The following HLX variants were observed in gnomAD, a reference collection of about 807,000 sequenced individuals.
HLX encodes H2.0-like homeobox protein.
Under a neutral mutation model 27.7 loss-of-function variants are expected in HLX, and 6 were observed. The observed-to-expected ratio is 0.22, with a 90% CI of 0.12 to 0.43. HLX has a LOEUF of 0.43. Ranked by LOEUF, HLX falls within the 20% of genes least tolerant of loss-of-function variation. The pLI is 1.00. For missense variants in HLX, 666 were observed against 655.2 expected, an observed-to-expected ratio of 1.02 and a Z score of -0.18; for synonymous variants, 328 against 293.8, an observed-to-expected ratio of 1.12 and a Z score of -1.19.
chr1:220,884,714 G>T lies in HLX; in HGVS notation c.*10G>T, dbSNP rs371049169. ...GCTTGGCTGCTTATAGACTGTACTA[G>T]GGCGGAGGGGATCCGGGCCTTGCGT... On this transcript the variant is annotated 3_prime_UTR_variant, in exon 4 of 4. Transcript: ENST00000366903. This position sits in a 1 kb window ranked among gnomAD's most constrained non-coding sequence, Gnocchi z 4.9. The T allele has an allele frequency of 6.2e-7, 1 of 1,606,794 alleles. No individual in the cohort carries two copies. Among genetic ancestry groups the T allele is most frequent in the East Asian group, 2.2e-5 (1 of 44,864 alleles).
Position 220,884,624 on chromosome 1 carries a change from C to A in HLX, c.1387C>A (p.Leu463Ile). Residue 463 changes from leucine (L) to isoleucine (I), a missense_variant, in exon 4 of 4, where the codon CTT (leucine) becomes ATT (isoleucine). Physicochemically the swap from Leu to Ile is conservative, Grantham distance 5. Coordinates refer to ENST00000366903, the MANE Select transcript of HLX (RefSeq NM_021958.4). The surrounding 1 kb of genome is among the most constrained non-coding windows in gnomAD (Gnocchi z 4.9). ...CCTTGGCGGCGGCGGCGCCTCGGAG[C>A]TTCTCCCTGCAACACAGCCCACAGC... ...SSLGGGGASE[L>I]LPATQPTASS... is the part of the protein sequence containing the mutation. 6.2e-7 allele frequency: 1 copy of A among 1,609,830 alleles called. No individual in the cohort carries two copies. The highest frequency in any genetic ancestry group is 8.5e-7 in the Non-Finnish European group (1 of 1,178,658).
rs1239331529 is a variant in HLX, at chr1:220,879,839, C to A, written c.-19C>A. On this transcript the variant is annotated 5_prime_UTR_variant, in exon 1 of 4. Transcript: ENST00000366903. ...CAGTCCGGCTGGACTGCGGCAGCCG[C>A]GCGGCTCACCCCGGCAGGATGTTCG... 3 of 1,556,284 alleles carry A rather than the reference C, an allele frequency of 1.9e-6. No homozygotes were observed. Among genetic ancestry groups the A allele is most frequent in the Non-Finnish European group, 2.6e-6 (3 of 1,158,828 alleles).
chr1:220,881,123 G>A, intron 1 of HLX, 71 bp from the exon 2 acceptor site: 1 of 1,348,868 alleles, frequency 7.4e-7, no homozygotes, highest in Admixed American at 1.8e-5. Flanking sequence ...AAGGGGAAGG[G>A]GAGGAACAAA....
Position 220,884,411 on chromosome 1 carries a change from G to C in HLX, c.1174G>C (p.Glu392Gln). ...ESLDMAPSDT[E>Q]RTEGSERSLH... ...CCTGGACATGGCCCCCAGCGACACG[G>C]AGCGGACTGAGGGGAGTGAGCGTTC... The change falls in exon 4 of 4, where the codon GAG becomes CAG. Residue 392 changes from glutamate (E) to glutamine (Q), a missense_variant. Glu to Gln is a conservative substitution (Grantham distance 29). Transcript: ENST00000366903. The surrounding 1 kb of genome is among the most constrained non-coding windows in gnomAD (Gnocchi z 4.9). 6.2e-7 allele frequency: 1 copy of C among 1,614,176 alleles called. No homozygotes were observed. Among genetic ancestry groups the C allele is most frequent in the South Asian group, 1.1e-5 (1 of 91,082 alleles).
intron 3 of HLX, chr1:220,883,282 A>C (rs1674497241): frequency 2.1e-5 from 2 of 95,160 alleles, no homozygotes; most frequent in Non-Finnish European, 4.3e-5. Flanking sequence ...TCTTCTCCCC[A>C]GTACACACAC....
In HLX at chr1:220,879,922, G is replaced by A; in HGVS notation, c.65G>A (p.Cys22Tyr). ...TTCAGCCTCTGGTCGGCCGCTTACT[G>A]CTCCTCGGCCGGCCCAGGCGGCTGC... ...SNFSLWSAAY[C>Y]SSAGPGGCSF... Residue 22 changes from cysteine to tyrosine, a missense_variant, in exon 1 of 4, where the codon TGC (cysteine) becomes TAC (tyrosine). Physicochemically the swap from Cys to Tyr is radical, Grantham distance 194. Coordinates refer to ENST00000366903, the MANE Select transcript of HLX (RefSeq NM_021958.4). 2 of 1,597,010 alleles carry A rather than the reference G, an allele frequency of 1.3e-6. No homozygotes were observed. Among genetic ancestry groups the A allele is most frequent in the African/African-American group, 1.3e-5 (1 of 74,822 alleles).
At position 220,884,387 on chromosome 1, in the gene HLX, C is replaced by G; in HGVS notation, c.1150C>G (p.Leu384Val). The change falls in exon 4 of 4, where the codon CTG becomes GTG. Residue 384 changes from leucine to valine, a missense_variant. Transcript: ENST00000366903. This position sits in a 1 kb window ranked among gnomAD's most constrained non-coding sequence, Gnocchi z 4.9. ...AESESSDSESLDMAPSDTERT... is the reference protein window; with the variant it reads ...AESESSDSESVDMAPSDTERT... The stretch of plus-strand genomic sequence containing the variant: ...GAGCGAGAGCAGCGACTCCGAGTCC[C>G]TGGACATGGCCCCCAGCGACACGGA... The G allele has an allele frequency of 1.9e-6, 3 of 1,614,144 alleles. No individual in the cohort carries two copies. The highest frequency in any genetic ancestry group is 2.5e-6 in the Non-Finnish European group (3 of 1,180,016).
chr1:220,880,046 C>T lies in HLX; in HGVS notation c.189C>T (p.Gly63=), dbSNP rs1486199139. 2 of 1,591,068 alleles carry T rather than the reference C, an allele frequency of 1.3e-6. No individual in the cohort carries two copies. The highest frequency in any genetic ancestry group is 2.2e-5 in the East Asian group (1 of 44,486). The change falls in exon 1 of 4, where the codon GGC becomes GGT. Residue 63 remains glycine, a synonymous_variant. Transcript: ENST00000366903. ...GGGATCTGGGGGCGGCCCCGGAGGGCCTGGCAGGGGCCTCGGCCGCCGCCC... is the reference window on the plus strand; with the variant it reads ...GGGATCTGGGGGCGGCCCCGGAGGGTCTGGCAGGGGCCTCGGCCGCCGCCC... ...GVGDLGAAPE[G]LAGASAAALT...
intron 3 of HLX, 197 bp downstream of exon 3, chr1:220,882,545 C>A: frequency 1.7e-6 from 1 of 592,418 alleles, no homozygotes; most frequent in Non-Finnish European, 3.0e-6. Flanking sequence ...GGGAGAAGGA[C>A]CGAGAGAAGA....
In HLX at chr1:220,884,689, G is replaced by T. The variant is rs1360450524; in HGVS notation, c.1452G>T (p.Ala484=). The change falls in exon 4 of 4, where the codon GCG becomes GCT. Residue 484 remains alanine, a synonymous_variant. Coordinates refer to ENST00000366903, the MANE Select transcript of HLX (RefSeq NM_021958.4). This position sits in a 1 kb window ranked among gnomAD's most constrained non-coding sequence, Gnocchi z 4.9. The stretch of plus-strand genomic sequence containing the variant: ...AAAGCCCCGAGCCAGCCCAAGGCGC[G>T]CTTGGCTGCTTATAGACTGTACTAG... ...APKSPEPAQG[A]LGCL 4 of 1,609,774 alleles carry T rather than the reference G, an allele frequency of 2.5e-6. No individual in the cohort carries two copies. Among genetic ancestry groups the T allele is most frequent in the South Asian group, 2.2e-5 (2 of 90,884 alleles).
intron 1 of HLX, 122 bp downstream of exon 1, chr1:220,880,571 A>G (rs1674403721): frequency 9.4e-7 from 1 of 1,060,968 alleles, no homozygotes; most frequent in African/African-American, 1.6e-5. Context: ...ACGGGAGAGA[A>G]GAAAACGAAT....
Position 220,879,977 on chromosome 1 carries a change from A to G in HLX, c.120A>G (p.Lys40=). The change falls in exon 1 of 4, where the codon AAA becomes AAG. Residue 40 remains lysine (K), a synonymous_variant. Coordinates refer to ENST00000366903, the MANE Select transcript of HLX (RefSeq NM_021958.4). ...TCCCCTTGGACCCCGCCGCCGTCAA[A>G]AAGCCCTCCTTCTGCATCGCAGACA... ...CSFPLDPAAV[K]KPSFCIADIL... is the part of the protein sequence containing the mutation. 1 of 1,598,940 alleles carries G rather than the reference A, an allele frequency of 6.3e-7. No individual in the cohort carries two copies. The highest frequency in any genetic ancestry group is 1.7e-5 in the Admixed American group (1 of 59,858).
Position 220,879,758 on chromosome 1 carries a change from C to G in HLX, c.-100C>G. 6.9e-7 allele frequency: 1 copy of G among 1,446,970 alleles called. No homozygotes were observed. Among genetic ancestry groups the G allele is most frequent in the Non-Finnish European group, 9.0e-7 (1 of 1,107,388 alleles). The allele number at this position is 1,446,970 out of a possible 1,614,324, so 89.6% of individuals were successfully genotyped here. A position where few individuals can be genotyped will look rare whatever the true frequency, so the allele number is the denominator to read the frequency against. On this transcript the variant is annotated 5_prime_UTR_variant, in exon 1 of 4. Transcript: ENST00000366903. Reference sequence around the variant, plus strand: ...CGGAGAAGCGAAAGCGGATCGTCCTCGGCTGCCGCCGCCTTCTCCGGGACT... The same window carrying G: ...CGGAGAAGCGAAAGCGGATCGTCCTGGGCTGCCGCCGCCTTCTCCGGGACT...
chr1:220,882,479 G>A lies in HLX; in HGVS notation c.957+131G>A, dbSNP rs116339733. 3.1e-5 allele frequency: 25 copies of A among 793,676 alleles called. No individual in the cohort carries two copies. In the African/African-American group the frequency reaches 3.4e-4, roughly 11 times the overall value. The allele number at this position is 793,676 out of a possible 1,614,324, so 49.2% of individuals were successfully genotyped here. A position where few individuals can be genotyped will look rare whatever the true frequency, so the allele number is the denominator to read the frequency against. On this transcript the variant is annotated intron_variant, in intron 3 of 3. Transcript: ENST00000366903. ...AAACGCAAGATCTTGACTTTCAAGAGGCTTTGTGGACTACGCAACTTGAGG... is the reference window on the plus strand; with the variant it reads ...AAACGCAAGATCTTGACTTTCAAGAAGCTTTGTGGACTACGCAACTTGAGG...
chr1:220,880,326 G>A lies in HLX; in HGVS notation c.469G>A (p.Val157Ile). Residue 157 changes from valine to isoleucine, a missense_variant, in exon 1 of 4, where the codon GTT becomes ATT. Val to Ile is a conservative substitution (Grantham distance 29). Coordinates refer to ENST00000366903, the MANE Select transcript of HLX (RefSeq NM_021958.4). ...LQPPASGTRV[V>I]PNPHHSGSAP... is the part of the protein sequence containing the mutation. ...GCCCCCGGCCTCGGGGACGCGAGTG[G>A]TTCCGAACCCCCACCACAGTGGCTC... is the stretch of plus-strand genomic sequence containing the variant. The A allele has an allele frequency of 6.2e-7, 1 of 1,613,914 alleles. No individual in the cohort carries two copies. The highest frequency in any genetic ancestry group is 1.6e-4 in the Middle Eastern group (1 of 6,062).
rs55955117 is a variant in HLX, at chr1:220,879,589, G to T, written c.-269G>T. 3,767 of 502,438 alleles carry T rather than the reference G, an allele frequency of 7.5e-3. 123 individuals carry two copies. Among genetic ancestry groups the T allele is most frequent in the African/African-American group, 0.069 (3,375 of 49,072 alleles). The allele number at this position is 502,438 out of a possible 1,614,324, so 31.1% of individuals were successfully genotyped here. A position where few individuals can be genotyped will look rare whatever the true frequency, so the allele number is the denominator to read the frequency against. On this transcript the variant is annotated 5_prime_UTR_variant, in exon 1 of 4. Coordinates refer to ENST00000366903, the MANE Select transcript of HLX (RefSeq NM_021958.4). ...CCGCCCTGCGGCCCCAGCGCCCCTCGCTCTCATCCAGCCCGCGAGGAGTGC... is the reference window on the plus strand; with the variant it reads ...CCGCCCTGCGGCCCCAGCGCCCCTCTCTCTCATCCAGCCCGCGAGGAGTGC...
Position 220,879,598 on chromosome 1 carries a change from C to T in HLX, c.-260C>T. On this transcript the variant is annotated 5_prime_UTR_variant, in exon 1 of 4. Transcript: ENST00000366903. ...GGCCCCAGCGCCCCTCGCTCTCATC[C>T]AGCCCGCGAGGAGTGCGGGCGCCGC... The T allele has an allele frequency of 1.9e-6, 1 of 539,364 alleles. No individual in the cohort carries two copies. Among genetic ancestry groups the T allele is most frequent in the East Asian group, 3.5e-5 (1 of 28,490 alleles). The allele number at this position is 539,364 out of a possible 1,614,324, so 33.4% of individuals were successfully genotyped here.
rs752081011 is a variant in HLX, at chr1:220,884,747, C to G, written c.*43C>G. 1.3e-6 allele frequency: 2 copies of G among 1,594,732 alleles called. No individual in the cohort carries two copies. Among genetic ancestry groups the G allele is most frequent in the Admixed American group, 1.7e-5 (1 of 59,124 alleles). ...GGGATCCGGGCCTTGCGTGCAGCCT[C>G]CCAACCATGGGCTGGGTTTTGTGCT... On this transcript the variant is annotated 3_prime_UTR_variant, in exon 4 of 4. Coordinates refer to ENST00000366903, the MANE Select transcript of HLX (RefSeq NM_021958.4). This position sits in a 1 kb window ranked among gnomAD's most constrained non-coding sequence, Gnocchi z 4.9.
In HLX at chr1:220,880,265, A is replaced by T. The variant is rs1244588503; in HGVS notation, c.408A>T (p.Gln136His). 1.9e-6 allele frequency: 3 copies of T among 1,613,252 alleles called. No individual in the cohort carries two copies. In the African/African-American group the frequency reaches 4.0e-5, roughly 22 times the overall value. ...QQQQQQQPQQ[Q>H]QPPPPPRAGA... is the part of the protein sequence containing the mutation. ...AGCAGCAGCAACAGCCGCAGCAGCAACAGCCTCCGCCTCCGCCCCGGGCTG... is the reference window on the plus strand; with the variant it reads ...AGCAGCAGCAACAGCCGCAGCAGCATCAGCCTCCGCCTCCGCCCCGGGCTG... The change falls in exon 1 of 4, where the codon CAA becomes CAT. Residue 136 changes from glutamine (Q) to histidine (H), a missense_variant. Coordinates refer to ENST00000366903, the MANE Select transcript of HLX (RefSeq NM_021958.4).
Sources: allele counts gnomAD v4.1 joint callset, GRCh38; gene constraint gnomAD v4.1.1; non-coding constraint Gnocchi (gnomAD v3.1); transcripts MANE v1.5; gene names NCBI Gene and HGNC (gene_info 2026-07-23, HGNC 2026-07-21).